CARMIL1: variants seen among roughly 807,000 people sequenced by gnomAD.
The protein encoded by CARMIL1 is capping protein regulator and myosin 1 linker 1.
In CARMIL1, 90 loss-of-function variants were observed where a neutral mutation model predicts 177.1. The ratio of observed to expected loss-of-function variants is 0.51; its 90% CI spans 0.43 to 0.61. The LOEUF is 0.61. CARMIL1 is among the 20% of genes least tolerant of loss of function. CARMIL1 has a pLI of 0.00. For synonymous variants in CARMIL1, 577 were observed against 606.2 expected (o/e 0.95, Z 0.71); for missense variants, 1,380 against 1,667.0 (o/e 0.83, Z 3.00).
At chr6:25,378,222 C>A (rs1195760963) in intron 2 of CARMIL1, among the ~76,000 whole-genome samples, 4 of 152,292 alleles carry the variant, frequency 2.6e-5, no homozygotes, top group Admixed American at 2.0e-4. Context: ...CTTGGCAAGG[C>A]AAATCTCATA....
chr6:25,472,421 A>G lies in CARMIL1; in HGVS notation c.780-6A>G. 6.4e-7 allele frequency: 1 copy of G among 1,551,688 alleles called. No individual in the cohort carries two copies. The highest frequency in any genetic ancestry group is 8.8e-7 in the Non-Finnish European group (1 of 1,142,116). ...TATTTAATCTTATTGTTTTGTTTAC[A>G]CGCAGAGATTTTGCACAAAAACTGG... On this transcript the variant is annotated splice_polypyrimidine_tract_variant and splice_region_variant and intron_variant, in intron 10 of 36. Transcript: ENST00000329474.
intron 11 of CARMIL1, among the ~76,000 whole-genome samples, chr6:25,481,993 C>A (rs1394257705): frequency 6.6e-6 from 1 of 152,162 alleles, no homozygotes; most frequent in African/African-American, 2.4e-5. Context: ...AAAAGAGTGA[C>A]ACGTGGCCCC....
intron 2 of CARMIL1, among the ~76,000 whole-genome samples, chr6:25,394,536 A>G (rs1793181607): frequency 6.6e-6 from 1 of 152,200 alleles, no homozygotes; most frequent in African/African-American, 2.4e-5. Flanking sequence ...AGGAAAAATA[A>G]CTACTGCAGC....
At chr6:25,611,598 A>G (rs75080831) in intron 36 of CARMIL1, among the ~76,000 whole-genome samples, 10,496 of 152,318 alleles carry the variant, frequency 0.069, 465 homozygotes, top group East Asian at 0.12. Context: ...AGAGAAAAAG[A>G]AAAGTGAGGA....
chr6:25,330,963 C>G lies in CARMIL1; in HGVS notation c.138+46054C>G, dbSNP rs1276573531. Among the ~76,000 whole-genome samples, 5 of 137,946 alleles carry G rather than the reference C, an allele frequency of 3.6e-5. No homozygotes were observed. The East Asian group carries it at 1.1e-3, about 31-fold the overall frequency. 90.5% of individuals were successfully genotyped at this position (137,946 alleles called of 152,430 possible). A position where few individuals can be genotyped will look rare whatever the true frequency, so the allele number is the denominator to read the frequency against. ...TGTAATGTAATTTTGCTAAAAGTTT[C>G]CCAGAAGTGAATCATGTTTATCAAG... On this transcript the variant is annotated intron_variant, in intron 2 of 36. Transcript: ENST00000329474.
chr6:25,599,462 G>C (rs1487039830), intron 32 of CARMIL1, among the ~76,000 whole-genome samples: 2 of 152,094 alleles, frequency 1.3e-5, no homozygotes, highest in African/African-American at 4.8e-5. Flanking sequence ...TATTCAGTCT[G>C]CCAGCTTTAA....
At position 25,435,574 on chromosome 6, in the gene CARMIL1, T is replaced by C; in HGVS notation, c.341T>C (p.Leu114Pro). The C allele has an allele frequency of 6.4e-7, 1 of 1,570,718 alleles. No individual in the cohort carries two copies. The highest frequency in any genetic ancestry group is 8.6e-7 in the Non-Finnish European group (1 of 1,156,688). Residue 114 changes from leucine (L) to proline (P), a missense_variant, in exon 5 of 37, where the codon CTG becomes CCG. By Grantham distance (98) the Leu-to-Pro change is moderately conservative. Transcript: ENST00000329474. ...GTGCTGGCTCACATAGGCACCTGCC[T>C]GAGGAAGATATTTCCTGGCCTCTCT... is the stretch of plus-strand genomic sequence containing the variant. ...SEVLAHIGTC[L>P]RKIFPGLSPV... is the part of the protein sequence containing the mutation.
chr6:25,617,508 T>C (rs1266287537), intron 36 of CARMIL1, among the ~76,000 whole-genome samples: 2 of 152,236 alleles, frequency 1.3e-5, no homozygotes, highest in Admixed American at 6.5e-5. Flanking sequence ...TATTTGTTTC[T>C]TCCCTTGAAC....
At chr6:25,332,730 T>C (rs5009714) in intron 2 of CARMIL1, among the ~76,000 whole-genome samples, 20,152 of 125,914 alleles carry the variant, frequency 0.16, 1,418 homozygotes, top group Middle Eastern at 0.24. Context: ...CCACCCACCA[T>C]GCAAACATGC....
chr6:25,495,746 G>A (rs1410750943), intron 16 of CARMIL1, among the ~76,000 whole-genome samples: 1 of 152,186 alleles, frequency 6.6e-6, no homozygotes, highest in Non-Finnish European at 1.5e-5. Flanking sequence ...AATATCCCTA[G>A]TGTAGGTATA....
In CARMIL1 at chr6:25,515,273, C is replaced by A. The variant is rs1210735189; in HGVS notation, c.1633-402C>A. ...TGGCTGGCTTTTATCTTGTATTTGTCCTCTATTAGTATTTTAAGGTGTCAT... is the reference window on the plus strand; with the variant it reads ...TGGCTGGCTTTTATCTTGTATTTGTACTCTATTAGTATTTTAAGGTGTCAT... On this transcript the variant is annotated intron_variant, in intron 20 of 36. Coordinates refer to ENST00000329474, the MANE Select transcript of CARMIL1 (RefSeq NM_017640.6). This position sits in a 1 kb window ranked among gnomAD's most constrained non-coding sequence, Gnocchi z 5.0. Among the ~76,000 whole-genome samples, 2 of 151,930 alleles carry A rather than the reference C, an allele frequency of 1.3e-5. No homozygotes were observed. The highest frequency in any genetic ancestry group is 2.9e-5 in the Non-Finnish European group (2 of 67,984).
intron 32 of CARMIL1, among the ~76,000 whole-genome samples, chr6:25,597,667 G>A (rs1814982091): frequency 6.6e-6 from 1 of 151,892 alleles, no homozygotes; most frequent in Non-Finnish European, 1.5e-5. Flanking sequence ...TGTTGTCTGG[G>A]ATCTCCCTTC....
intron 24 of CARMIL1, among the ~76,000 whole-genome samples, chr6:25,530,408 G>C (rs921263052): frequency 2.0e-5 from 3 of 152,052 alleles, no homozygotes; most frequent in African/African-American, 7.2e-5. Flanking sequence ...CCAACTACTT[G>C]GAAGGCTGAG....
Position 25,551,019 on chromosome 6 carries a change from T to C in CARMIL1, c.2438T>C (p.Ile813Thr), listed in dbSNP as rs1286950356. ...LIHASTEKISIPRTFVKNVLL... is the reference protein window; with the variant it reads ...LIHASTEKISTPRTFVKNVLL... ...CATGCCAGCACCGAAAAGATTTCTA[T>C]TCCACGTACCTTTGTTAAAAATGTC... The change falls in exon 27 of 37, where the codon ATT becomes ACT. Residue 813 changes from isoleucine to threonine, a missense_variant. Transcript: ENST00000329474. 1.2e-6 allele frequency: 2 copies of C among 1,613,546 alleles called. No individual in the cohort carries two copies. The highest frequency in any genetic ancestry group is 1.7e-6 in the Non-Finnish European group (2 of 1,179,572).
intron 2 of CARMIL1, among the ~76,000 whole-genome samples, chr6:25,306,825 A>G (rs116801323): frequency 0.028 from 4,193 of 149,386 alleles, 69 homozygotes; most frequent in Non-Finnish European, 0.039. Context: ...GAGTGGAATT[A>G]CTGGATCATA....
At chr6:25,328,243 C>T (rs1785299206) in intron 2 of CARMIL1, among the ~76,000 whole-genome samples, 1 of 152,062 alleles carries the variant, frequency 6.6e-6, no homozygotes, top group South Asian at 2.1e-4. Flanking sequence ...AGAGATACAG[C>T]AAAGGGATAT....
intron 5 of CARMIL1, among the ~76,000 whole-genome samples, chr6:25,437,207 C>T (rs1797309905): frequency 1.3e-5 from 2 of 152,092 alleles, no homozygotes; most frequent in Non-Finnish European, 2.9e-5. Flanking sequence ...TAAATTAATA[C>T]TGATGAAATA....
At chr6:25,386,280 T>G (rs1025779888) in intron 2 of CARMIL1, among the ~76,000 whole-genome samples, 1 of 152,172 alleles carries the variant, frequency 6.6e-6, no homozygotes, top group African/African-American at 2.4e-5. Flanking sequence ...GAGGACGGAA[T>G]CTTGCTCTGT....
intron 24 of CARMIL1, among the ~76,000 whole-genome samples, chr6:25,529,936 TATA>T (rs1807581422): frequency 6.6e-6 from 1 of 151,980 alleles, no homozygotes; most frequent in African/African-American, 2.4e-5. Flanking sequence ...CTTTATAGCT[TATA>T]ATAAAAAAAG....
Sources: allele counts gnomAD v4.1 joint callset (sites outside exome capture counted in the v4.1 genomes callset), GRCh38; gene constraint gnomAD v4.1.1; non-coding constraint Gnocchi (gnomAD v3.1); transcripts MANE v1.5; gene names NCBI Gene and HGNC (gene_info 2026-07-23, HGNC 2026-07-21).